The following ADAM10 variants were observed in gnomAD, a reference collection of about 807,000 sequenced individuals.
ADAM10 encodes disintegrin and metalloproteinase domain-containing protein 10.
ADAM10 carries 17 observed loss-of-function variants against 90.1 expected under a neutral mutation model. The ratio of observed to expected loss-of-function variants is 0.19; its 90% CI spans 0.13 to 0.28. ADAM10 has a LOEUF of 0.28. Ranked by LOEUF, ADAM10 falls within the 10% of genes least tolerant of loss-of-function variation. ADAM10 has a pLI of 1.00. For missense variants in ADAM10, 610 were observed against 914.3 expected (o/e 0.67, Z 4.29); for synonymous variants, 310 against 298.6 (o/e 1.04, Z -0.40).
intron 11 of ADAM10, among the ~76,000 whole-genome samples, chr15:58,619,515 T>C (rs1405143208): frequency 6.6e-6 from 1 of 152,190 alleles, no homozygotes; most frequent in Non-Finnish European, 1.5e-5. Flanking sequence ...GAGATAAATA[T>C]CCTTATTACC....
At chr15:58,692,815 T>A (rs1284204841) in intron 2 of ADAM10, 1 of 641,376 alleles carries the variant, frequency 1.6e-6, no homozygotes, top group East Asian at 4.1e-5. Flanking sequence ...AACACCAAAT[T>A]GCCCAATCAT....
At chr15:58,642,654 T>G (rs1256203610) in intron 7 of ADAM10, among the ~76,000 whole-genome samples, 2 of 152,192 alleles carry the variant, frequency 1.3e-5, no homozygotes, top group Non-Finnish European at 2.9e-5. Flanking sequence ...ATACATGCAT[T>G]TCTTCATAAT....
intron 2 of ADAM10, among the ~76,000 whole-genome samples, chr15:58,715,201 C>G (rs1224763418): frequency 4.6e-5 from 7 of 151,974 alleles, no homozygotes; most frequent in Non-Finnish European, 1.5e-5. Context: ...GTGAGCGGAT[C>G]ACTTGAAATC....
chr15:58,688,664 G>A (rs2140766411), intron 2 of ADAM10, among the ~76,000 whole-genome samples: 1 of 150,108 alleles, frequency 6.7e-6, no homozygotes, highest in East Asian at 1.9e-4. Context: ...CGAAAGAGGG[G>A]AGGGAAGGGG....
chr15:58,698,513 T>G (rs1233562236), intron 2 of ADAM10: 2 of 212,092 alleles, frequency 9.4e-6, no homozygotes, highest in African/African-American at 5.0e-5. Context: ...AAGGCAGAGG[T>G]TGCAGTGAGC....
At chr15:58,611,401 G>A (rs916035895) in intron 12 of ADAM10, 9 of 373,396 alleles carry the variant, frequency 2.4e-5, no homozygotes, top group South Asian at 6.9e-5. Context: ...TGGTTATTAC[G>A]GCTCTTCTAT....
At chr15:58,698,209 C>G (rs1898028573) in intron 2 of ADAM10, 1 of 386,420 alleles carries the variant, frequency 2.6e-6, no homozygotes, top group Non-Finnish European at 5.0e-6. Flanking sequence ...ATTTAAAAAG[C>G]TAAGTGAGGT....
intron 5 of ADAM10, among the ~76,000 whole-genome samples, chr15:58,654,886 T>C (rs1286219455): frequency 1.3e-5 from 2 of 152,248 alleles, no homozygotes; most frequent in East Asian, 1.9e-4. Flanking sequence ...TTTTGAATGT[T>C]TGAAGACTTG....
intron 2 of ADAM10, chr15:58,691,359 A>G: frequency 1.0e-6 from 1 of 960,918 alleles, no homozygotes; most frequent in Middle Eastern, 2.1e-4. Context: ...GGGCTCACTC[A>G]TATATATTAC....
At chr15:58,683,104 A>G (rs1358614889) in intron 2 of ADAM10, among the ~76,000 whole-genome samples, 1 of 152,092 alleles carries the variant, frequency 6.6e-6, no homozygotes, top group Admixed American at 6.5e-5. Flanking sequence ...TAGAGATTTT[A>G]TAACGTATAT....
intron 7 of ADAM10, among the ~76,000 whole-genome samples, chr15:58,642,150 C>A (rs1023629747): frequency 6.6e-6 from 1 of 152,090 alleles, no homozygotes; most frequent in Non-Finnish European, 1.5e-5. Context: ...CCTAGTAATT[C>A]TCTAATACTG....
intron 11 of ADAM10, among the ~76,000 whole-genome samples, chr15:58,617,554 A>C (rs1895652958): frequency 6.6e-6 from 1 of 152,304 alleles, no homozygotes; most frequent in African/African-American, 2.4e-5. Flanking sequence ...TGGAAGTCTG[A>C]GCCAGAGCAA....
intron 11 of ADAM10, among the ~76,000 whole-genome samples, chr15:58,612,214 A>G (rs1895458452): frequency 6.6e-6 from 1 of 152,094 alleles, no homozygotes; most frequent in Non-Finnish European, 1.5e-5. Flanking sequence ...GTGTGTCCCA[A>G]AGAAACAGTG....
chr15:58,641,526 G>A lies in ADAM10; in HGVS notation c.829-566C>T, dbSNP rs1392602785. Among the ~76,000 whole-genome samples, 29 of 151,968 alleles carry A rather than the reference G, an allele frequency of 1.9e-4. 2 individuals carry two copies. Among genetic ancestry groups the A allele is most frequent in the Admixed American group, 1.8e-3 (27 of 15,248 alleles). ...AAATTTATTTTTTTTTCCTGAATGT[G>A]GGCAAGAATTTTGCTAATTTAAACT... On this transcript the variant is annotated intron_variant, in intron 7 of 15. Coordinates refer to ENST00000260408, the MANE Select transcript of ADAM10 (RefSeq NM_001110.4).
chr15:58,592,970 C>T lies in ADAM10; in HGVS notation c.*4577G>A, dbSNP rs1292666468. ...AATAAACAATGTGGAACCTACATGT[C>T]CAAACAATGGGAAATTGGTTAAGAA... On this transcript the variant is annotated 3_prime_UTR_variant, in exon 16 of 16. Transcript: ENST00000260408. 2.0e-5 allele frequency: 3 copies of T among 149,328 alleles called. No individual in the cohort carries two copies. Among genetic ancestry groups the T allele is most frequent in the East Asian group, 2.0e-4 (1 of 5,124 alleles). 9.3% of individuals were successfully genotyped at this position (149,328 alleles called of 1,614,324 possible).
At chr15:58,621,227 C>CA (rs1385172879) in intron 11 of ADAM10, among the ~76,000 whole-genome samples, 13 of 131,910 alleles carry the variant, frequency 9.9e-5, no homozygotes, top group South Asian at 2.5e-4. Flanking sequence ...CATGCCACTG[C>CA]ACTCCAGCCT....
At chr15:58,674,308 G>A (rs1423795001) in intron 4 of ADAM10, among the ~76,000 whole-genome samples, 3 of 152,128 alleles carry the variant, frequency 2.0e-5, no homozygotes, top group South Asian at 2.1e-4. Context: ...TCAATGCTTA[G>A]TAAAGCATAC....
rs141098498 is a variant in ADAM10, at chr15:58,726,082, CA to C, written c.56-8356del. 9.7e-4 allele frequency among the ~76,000 whole-genome samples: 147 copies of C among 152,220 alleles called. 4 individuals are homozygous for C. In the East Asian group the frequency reaches 0.028, roughly 29 times the overall value. ...TAAGCGAATACATTTTTTAAACACA[CA>C]ATCTACTGTGGAATTTATGACACAC... On this transcript the variant is annotated intron_variant, in intron 1 of 15. Coordinates refer to ENST00000260408, the MANE Select transcript of ADAM10 (RefSeq NM_001110.4).
Position 58,589,587 on chromosome 15 carries a change from G to A in ADAM10, c.*7960C>T, listed in dbSNP as rs1406812855. ...TGAAGGCACAGACTGCAGTCCTTTG[G>A]GGGCTGTGAAAAATTGCAGCAGGTT... On this transcript the variant is annotated 3_prime_UTR_variant, in exon 16 of 16. Transcript: ENST00000260408. The A allele has an allele frequency of 6.6e-6, 1 of 152,236 alleles. No individual in the cohort carries two copies. Among genetic ancestry groups the A allele is most frequent in the Non-Finnish European group, 1.5e-5 (1 of 68,074 alleles). The allele number at this position is 152,236 out of a possible 1,614,324, so 9.4% of individuals were successfully genotyped here. A position where few individuals can be genotyped will look rare whatever the true frequency, so the allele number is the denominator to read the frequency against.
Sources: gnomAD v4.1 joint callset for allele counts (sites outside exome capture counted in the v4.1 genomes callset) on GRCh38, gnomAD v4.1.1 for gene constraint, MANE v1.5 for transcripts, NCBI Gene and HGNC (gene_info 2026-07-23, HGNC 2026-07-21) for gene names.